Variants in CDH7 observed in about 807,000 individuals in gnomAD.
CDH7 encodes the protein cadherin 7.
A neutral mutation model predicts 71.8 loss-of-function variants in CDH7; 25 were observed. That is an observed-to-expected ratio of 0.35 (90% CI 0.25 to 0.49). CDH7 has a LOEUF of 0.49. Among genes scored for constraint, CDH7 ranks in the 20% least tolerant of loss-of-function variants. CDH7 has a pLI of 0.99. For missense variants in CDH7, 862 were observed against 974.6 expected (o/e 0.88, Z 1.54); for synonymous variants, 381 against 363.8 (o/e 1.05, Z -0.54).
intron 2 of CDH7, among the ~76,000 whole-genome samples, chr18:65,805,684 G>C (rs1019341509): frequency 6.6e-6 from 1 of 152,206 alleles, no homozygotes; most frequent in Non-Finnish European, 1.5e-5. Context: ...CTGGACCATC[G>C]GGAAGCTCCG....
chr18:65,818,330 G>T (rs1386320755), intron 4 of CDH7, among the ~76,000 whole-genome samples: 1 of 152,108 alleles, frequency 6.6e-6, no homozygotes, highest in African/African-American at 2.4e-5. Context: ...TTGGTGAATT[G>T]CTCCAACAGG....
chr18:65,776,764 G>C (rs1942831), intron 2 of CDH7, among the ~76,000 whole-genome samples: 60,530 of 151,866 alleles, frequency 0.4, 13,459 homozygotes, highest in African/African-American at 0.6. Flanking sequence ...AATTCAGAAT[G>C]TGAGGTTGAC....
intron 2 of CDH7, among the ~76,000 whole-genome samples, chr18:65,788,861 T>A (rs2143851947): frequency 6.6e-6 from 1 of 152,332 alleles, no homozygotes; most frequent in East Asian, 1.9e-4. Context: ...AGATTTGACC[T>A]ATAGCTAACA....
intron 6 of CDH7, among the ~76,000 whole-genome samples, chr18:65,829,788 G>A (rs188433680): frequency 6.7e-5 from 10 of 148,884 alleles, no homozygotes; most frequent in Non-Finnish European, 1.2e-4. Flanking sequence ...GTGTGTGTGT[G>A]TGTGTGTGTG....
At chr18:65,860,515 G>A (rs1430456382) in intron 10 of CDH7, among the ~76,000 whole-genome samples, 1 of 152,002 alleles carries the variant, frequency 6.6e-6, no homozygotes, top group African/African-American at 2.4e-5. Flanking sequence ...CTTAAAGCAC[G>A]AGAACCTGCT....
At chr18:65,765,576 T>C (rs554533828) in intron 2 of CDH7, among the ~76,000 whole-genome samples, 7 of 151,726 alleles carry the variant, frequency 4.6e-5, no homozygotes, top group Non-Finnish European at 1.0e-4. Flanking sequence ...CAGATAATCA[T>C]AGAAAGAAAA....
chr18:65,877,684 C>T (rs988691481), intron 11 of CDH7, among the ~76,000 whole-genome samples: 4 of 152,040 alleles, frequency 2.6e-5, no homozygotes, highest in East Asian at 3.9e-4. Flanking sequence ...TTTCTCTCAA[C>T]GTCCCTCTTC....
At chr18:65,814,403 T>C (rs1287953313) in intron 3 of CDH7, 82 bp from the exon 4 acceptor site, 2 of 1,446,790 alleles carry the variant, frequency 1.4e-6, no homozygotes, top group African/African-American at 1.4e-5. Flanking sequence ...AAGCTTAATG[T>C]GGAATCAGTA....
intron 8 of CDH7, 37 bp from the exon 9 acceptor site, chr18:65,858,888 C>A: frequency 5.0e-6 from 8 of 1,590,582 alleles, no homozygotes; most frequent in South Asian, 1.1e-5. Context: ...TTTAGATGGG[C>A]AAAGAGTAAA....
chr18:65,888,900 G>A lies in CDH7; in HGVS notation c.*8006G>A, dbSNP rs2144088119. On this transcript the variant is annotated 3_prime_UTR_variant, in exon 12 of 12. Transcript: ENST00000397968. Reference sequence around the variant, plus strand: ...GGTTTAAGAGGATAAGAAGATAGCTGAAACTCTAATAATTGGACTTTCCAA... The same window carrying A: ...GGTTTAAGAGGATAAGAAGATAGCTAAAACTCTAATAATTGGACTTTCCAA... The A allele has an allele frequency of 6.6e-6, 1 of 152,266 alleles. No individual in the cohort carries two copies. Among genetic ancestry groups the A allele is most frequent in the Non-Finnish European group, 1.5e-5 (1 of 68,000 alleles). 9.4% of individuals were successfully genotyped at this position (152,266 alleles called of 1,614,324 possible).
At chr18:65,762,613 T>A in intron 1 of CDH7, 34 bp from the exon 2 acceptor site, 1 of 387,238 alleles carries the variant, frequency 2.6e-6, no homozygotes, top group Admixed American at 4.1e-5. Context: ...TGTGTTTTGG[T>A]TCCTGACACC....
In CDH7 at chr18:65,880,512, G is replaced by T. The variant is rs1474589509; in HGVS notation, c.1976G>T (p.Gly659Val). The T allele has an allele frequency of 6.2e-7, 1 of 1,613,008 alleles. No individual in the cohort carries two copies. The highest frequency in any genetic ancestry group is 8.5e-7 in the Non-Finnish European group (1 of 1,179,774). The stretch of plus-strand genomic sequence containing the variant: ...GTGAGATACGATGACGAGGGCGGGG[G>T]AGAGGAGGACACGGAAGCGTTTGAC... ...NIVRYDDEGG[G>V]EEDTEAFDMA... The change falls in exon 12 of 12, where the codon GGA becomes GTA. Residue 659 changes from glycine (G) to valine (V), a missense_variant. By Grantham distance (109) the Gly-to-Val change is moderately radical (BLOSUM62 -3). Transcript: ENST00000397968.
chr18:65,827,020 T>C (rs1267039729), intron 6 of CDH7, among the ~76,000 whole-genome samples: 2 of 151,718 alleles, frequency 1.3e-5, no homozygotes, highest in Non-Finnish European at 3.0e-5. Context: ...AGAGATTCCT[T>C]ACTTCTGCCC....
At chr18:65,750,597 G>C (rs559310809), upstream of CDH7, 52 of 152,480 alleles carry the variant, frequency 3.4e-4, no homozygotes, top group African/African-American at 1.2e-3. Context: ...GTGTGCGCGC[G>C]TGGCGGCCGA....
At chr18:65,774,793 A>C (rs1909876351) in intron 2 of CDH7, among the ~76,000 whole-genome samples, 1 of 152,076 alleles carries the variant, frequency 6.6e-6, no homozygotes, top group Non-Finnish European at 1.5e-5. Flanking sequence ...CATGAATATC[A>C]CCATCTCTCT....
intron 1 of CDH7, among the ~76,000 whole-genome samples, chr18:65,761,344 T>G (rs1488059762): frequency 7.9e-6 from 1 of 127,216 alleles, no homozygotes; most frequent in Non-Finnish European, 1.6e-5. Context: ...TTCACATTTC[T>G]TTTACTACAT....
intron 2 of CDH7, among the ~76,000 whole-genome samples, chr18:65,786,705 A>G (rs773437416): frequency 1.3e-5 from 2 of 151,954 alleles, no homozygotes; most frequent in Non-Finnish European, 2.9e-5. Flanking sequence ...TTTCTTTGAG[A>G]TAAGATCTTG....
At chr18:65,786,410 C>T (rs970774974) in intron 2 of CDH7, among the ~76,000 whole-genome samples, 2 of 151,902 alleles carry the variant, frequency 1.3e-5, no homozygotes, top group Non-Finnish European at 2.9e-5. Flanking sequence ...AGCCCACAAC[C>T]GCCCCCCCAG....
At position 65,781,906 on chromosome 18, in the gene CDH7, T is replaced by C. The variant is rs368510175; in HGVS notation, c.210+18854T>C. 8.6e-4 allele frequency among the ~76,000 whole-genome samples: 40 copies of C among 46,782 alleles called. 1 individual carries two copies. The highest frequency in any genetic ancestry group is 3.1e-3 in the African/African-American group (21 of 6,844). 30.7% of individuals were successfully genotyped at this position (46,782 alleles called of 152,430 possible). A position where few individuals can be genotyped will look rare whatever the true frequency, so the allele number is the denominator to read the frequency against. Reference sequence around the variant, plus strand: ...TCTCTCTCTCTCTTTCTCTCTATCTTTCTCTCTTTCTCTCTTTCTCTCTCT... The same window carrying C: ...TCTCTCTCTCTCTTTCTCTCTATCTCTCTCTCTTTCTCTCTTTCTCTCTCT... On this transcript the variant is annotated intron_variant, in intron 2 of 11. Transcript: ENST00000397968.
Sources: gnomAD v4.1 joint callset for allele counts (sites outside exome capture counted in the v4.1 genomes callset) on GRCh38, gnomAD v4.1.1 for gene constraint, MANE v1.5 for transcripts, NCBI Gene and HGNC (gene_info 2026-07-23, HGNC 2026-07-21) for gene names.